The following LCP2 variants were observed in gnomAD, a reference collection of about 807,000 sequenced individuals.
The protein encoded by LCP2 is 76 kDa tyrosine phosphoprotein.
A neutral mutation model predicts 74.5 loss-of-function variants in LCP2; 29 were observed. The observed-to-expected ratio is 0.39, with a 90% CI of 0.29 to 0.53. The LOEUF (loss-of-function observed/expected upper bound fraction) is 0.53. LCP2 is among the 20% of genes least tolerant of loss of function. The probability of loss-of-function intolerance (pLI) is 0.72; values close to 1 mark genes in which losing one functional copy is unlikely to be tolerated. For missense variants in LCP2, 604 were observed against 634.6 expected (o/e 0.95, Z 0.52); for synonymous variants, 228 against 229.5 (o/e 0.99, Z 0.06).
At chr5:170,277,924 CAG>C (rs1247863834) in intron 3 of LCP2, among the ~76,000 whole-genome samples, 1 of 151,916 alleles carries the variant, frequency 6.6e-6, no homozygotes, top group African/African-American at 2.4e-5. Flanking sequence ...TGTGACTGGG[CAG>C]AGAGAGCGAG....
intron 8 of LCP2, chr5:170,267,371 T>A: frequency 4.1e-6 from 2 of 485,372 alleles, no homozygotes; most frequent in East Asian, 3.8e-5. Flanking sequence ...AGGCCCTGCC[T>A]GAGCTGGCCC....
intron 6 of LCP2, among the ~76,000 whole-genome samples, chr5:170,272,597 C>G (rs200282878): frequency 4.7e-4 from 19 of 40,356 alleles, no homozygotes; most frequent in African/African-American, 1.6e-3. Flanking sequence ...CAAATATTTT[C>G]TTTTTTTTTT....
At chr5:170,266,988 G>A in intron 9 of LCP2, 21 bp downstream of exon 9, 1 of 1,613,830 alleles carries the variant, frequency 6.2e-7, no homozygotes, top group Non-Finnish European at 8.5e-7. Flanking sequence ...CAGGGCAAGA[G>A]AGAGCAGCCC....
Position 170,274,357 on chromosome 5 carries a change from C to G in LCP2, c.287-19G>C. The G allele has an allele frequency of 6.2e-7, 1 of 1,611,684 alleles. No individual in the cohort carries two copies. Among genetic ancestry groups the G allele is most frequent in the Non-Finnish European group, 8.5e-7 (1 of 1,178,908 alleles). On this transcript the variant is annotated intron_variant, in intron 5 of 20. Transcript: ENST00000046794. ...TGGCTTTCTGTGGAAGGAGATGACA[C>G]CACCATCAGCACTGAAGAAAAGCCA...
Position 170,252,502 on chromosome 5 carries a change from T to A in LCP2, c.1255A>T (p.Asn419Tyr), listed in dbSNP as rs760457784. Residue 419 changes from asparagine to tyrosine, a missense_variant, in exon 19 of 21, where the codon AAT becomes TAT. Transcript: ENST00000046794. Reference sequence around the variant, plus strand: ...ATATAAGAAACGTACCACTCTTCATTTAATGAATTCTGAAAATGTAAATTT... The same window carrying A: ...ATATAAGAAACGTACCACTCTTCATATAATGAATTCTGAAAATGTAAATTT... ...PSPAEEENSLNEEWYVSYITR... is the reference protein window; with the variant it reads ...PSPAEEENSLYEEWYVSYITR... 5.2e-6 allele frequency: 8 copies of A among 1,546,220 alleles called. No individual in the cohort carries two copies. The highest frequency in any genetic ancestry group is 7.1e-6 in the Non-Finnish European group (8 of 1,126,228).
Position 170,282,217 on chromosome 5 carries a change from T to TA in LCP2, c.188+5752dup, listed in dbSNP as rs1266375562. Among the ~76,000 whole-genome samples, 3 of 152,304 alleles carry TA rather than the reference T, an allele frequency of 2.0e-5. No homozygotes were observed. The South Asian group carries it at 6.2e-4, about 32-fold the overall frequency. On this transcript the variant is annotated intron_variant, in intron 3 of 20. Coordinates refer to ENST00000046794, the MANE Select transcript of LCP2 (RefSeq NM_005565.5). ...ATATTGTAAACGTCAGGGAAGGAAA[T>TA]AGAGACATTCAGAAGAGTGTAATAT...
chr5:170,250,847 TG>T lies in LCP2; in HGVS notation c.1361del (p.Thr454LysfsTer73). The T allele has an allele frequency of 6.2e-7, 1 of 1,613,724 alleles. No homozygotes were observed. Among genetic ancestry groups the T allele is most frequent in the Non-Finnish European group, 8.5e-7 (1 of 1,179,604 alleles). ...TFLVRDSSKK[T>X]TTNPYVLMVL... is the part of the protein sequence containing the mutation. ...CCATGAGGACATATGGATTGGTTGTTGTTTTTTTAGAGCTGTCTCTGACCAG... is the reference window on the plus strand; with the variant it reads ...CCATGAGGACATATGGATTGGTTGTTTTTTTTTAGAGCTGTCTCTGACCAG... On this transcript the variant is annotated frameshift_variant, in exon 20 of 21. Transcript: ENST00000046794. LOFTEE classifies it high-confidence loss of function.
In LCP2 at chr5:170,258,325, T is replaced by C. The variant is rs139483535; in HGVS notation, c.971-159A>G. On this transcript the variant is annotated intron_variant, in intron 15 of 20. Transcript: ENST00000046794. Reference sequence around the variant, plus strand: ...AGGAAGTAGTAGGATGGAACCTTGCTCCCAGGGTGTTTCTAGATGACTTAA... The same window carrying C: ...AGGAAGTAGTAGGATGGAACCTTGCCCCCAGGGTGTTTCTAGATGACTTAA... 1,722 of 678,302 alleles carry C rather than the reference T, an allele frequency of 2.5e-3. 5 individuals carry two copies. Among genetic ancestry groups the C allele is most frequent in the South Asian group, 3.6e-3 (165 of 46,378 alleles). The allele number at this position is 678,302 out of a possible 1,614,324, so 42.0% of individuals were successfully genotyped here.
At chr5:170,254,346 G>A (rs186438882) in intron 17 of LCP2, among the ~76,000 whole-genome samples, 3 of 152,140 alleles carry the variant, frequency 2.0e-5, no homozygotes, top group African/African-American at 4.8e-5. Flanking sequence ...TCTACACCAC[G>A]GATTGTCACT....
intron 17 of LCP2, 72 bp from the exon 18 acceptor site, chr5:170,253,285 C>T (rs775272006): frequency 7.9e-5 from 82 of 1,043,386 alleles, no homozygotes; most frequent in Non-Finnish European, 1.0e-4. Context: ...ACACAAAACA[C>T]ATTCCCCCCA....
chr5:170,259,019 A>G, intron 14 of LCP2, 141 bp from the exon 15 acceptor site: 1 of 621,744 alleles, frequency 1.6e-6, no homozygotes, highest in Non-Finnish European at 2.8e-6. Context: ...TAATAAATAT[A>G]CTGTGGAGAA....
intron 8 of LCP2, 184 bp from the exon 9 acceptor site, chr5:170,267,259 C>A: frequency 1.6e-6 from 1 of 619,852 alleles, no homozygotes; most frequent in Non-Finnish European, 2.8e-6. Context: ...CTAGACTCTG[C>A]CACGCAAGCT....
intron 3 of LCP2, among the ~76,000 whole-genome samples, chr5:170,287,565 T>C (rs188123497): frequency 4.3e-4 from 65 of 152,334 alleles, no homozygotes; most frequent in African/African-American, 1.5e-3. Context: ...TTATATCCAT[T>C]GCTGTCATCT....
Position 170,262,684 on chromosome 5 carries a change from T to C in LCP2, c.877A>G (p.Arg293Gly), listed in dbSNP as rs779126734. The change falls in exon 13 of 21, where the codon AGA (arginine) becomes GGA (glycine). Residue 293 changes from arginine (R) to glycine (G), a missense_variant. Arg to Gly is a moderately radical substitution (Grantham distance 125). Coordinates refer to ENST00000046794, the MANE Select transcript of LCP2 (RefSeq NM_005565.5). ...QKPPLPPTTERHERSSPLPGK... is the reference protein window; with the variant it reads ...QKPPLPPTTEGHERSSPLPGK... ...GGCAGGGGGCTGCTCCTTTCATGTC[T>C]TTCCGTGGTCGGTGGTAAAGGAGGC... 1 of 1,614,026 alleles carries C rather than the reference T, an allele frequency of 6.2e-7. No homozygotes were observed. Among genetic ancestry groups the C allele is most frequent in the African/African-American group, 1.3e-5 (1 of 75,058 alleles).
rs1169709571 is a variant in LCP2 at position 170,246,271 on chromosome 5, G to C, written c.*2426C>G. Reference sequence around the variant, plus strand: ...AGGCTGTTTAATGTTTTGAAGAATGGCTTAACTTACGTCACTAATGGCAAG... The same window carrying C: ...AGGCTGTTTAATGTTTTGAAGAATGCCTTAACTTACGTCACTAATGGCAAG... On this transcript the variant is annotated 3_prime_UTR_variant, in exon 21 of 21. Coordinates refer to ENST00000046794, the MANE Select transcript of LCP2 (RefSeq NM_005565.5). 6.5e-6 allele frequency: 4 copies of C among 616,132 alleles called. No homozygotes were observed. The African/African-American group carries it at 7.3e-5, about 11-fold the overall frequency. 38.2% of individuals were successfully genotyped at this position (616,132 alleles called of 1,614,324 possible). A position where few individuals can be genotyped will look rare whatever the true frequency, so the allele number is the denominator to read the frequency against.
At chr5:170,267,286 A>G in intron 8 of LCP2, 1 of 601,234 alleles carries the variant, frequency 1.7e-6, no homozygotes, top group South Asian at 2.0e-5. Flanking sequence ...TGCAGGCAGC[A>G]GAGTGAGCAT....
chr5:170,296,849 C>T (rs930680577), intron 1 of LCP2, among the ~76,000 whole-genome samples: 1 of 152,172 alleles, frequency 6.6e-6, no homozygotes, highest in Non-Finnish European at 1.5e-5. Context: ...AATTGGGGCT[C>T]ACATCAGTTT....
intron 3 of LCP2, among the ~76,000 whole-genome samples, chr5:170,285,761 C>G (rs1295844940): frequency 6.6e-6 from 1 of 152,172 alleles, no homozygotes; most frequent in Non-Finnish European, 1.5e-5. Flanking sequence ...GGTAGTCTCT[C>G]CTTTCATGCA....
chr5:170,270,415 C>G (rs1238479996), intron 7 of LCP2: 1 of 315,284 alleles, frequency 3.2e-6, no homozygotes, highest in East Asian at 6.1e-5. Flanking sequence ...TGCCAAATAG[C>G]CTTAGGTGGT....
Sources: allele counts gnomAD v4.1 joint callset (sites outside exome capture counted in the v4.1 genomes callset), GRCh38; gene constraint gnomAD v4.1.1; transcripts MANE v1.5; gene names NCBI Gene and HGNC (gene_info 2026-07-23, HGNC 2026-07-21).